The following DGKG variants were observed in gnomAD, a reference collection of about 807,000 sequenced individuals.
DGKG encodes the protein DAG kinase gamma.
In DGKG, 78 loss-of-function variants were observed where a neutral mutation model predicts 105.3. The ratio of observed to expected loss-of-function variants is 0.74; its 90% CI spans 0.62 to 0.89. DGKG has a LOEUF of 0.89. Among genes scored for constraint, DGKG ranks in the 40% least tolerant of loss-of-function variants. The pLI is 0.00. For synonymous variants in DGKG, 346 were observed against 367.1 expected, an observed-to-expected ratio of 0.94 and a Z score of 0.66; for missense variants, 958 against 1,020.1, an observed-to-expected ratio of 0.94 and a Z score of 0.83.
chr3:186,262,111 TAGAA>T (rs1006489795), intron 14 of DGKG, among the ~76,000 whole-genome samples: 1 of 152,150 alleles, frequency 6.6e-6, no homozygotes, highest in African/African-American at 2.4e-5. Flanking sequence ...AATATGATCT[TAGAA>T]AGCACGGCCG....
intron 21 of DGKG, among the ~76,000 whole-genome samples, chr3:186,188,650 G>A (rs1157068736): frequency 1.3e-5 from 2 of 152,110 alleles, no homozygotes; most frequent in Non-Finnish European, 2.9e-5. Context: ...GTCTAGAAGT[G>A]CTTTAGGGCT....
intron 1 of DGKG, among the ~76,000 whole-genome samples, chr3:186,345,765 T>C (rs1003456322): frequency 6.6e-6 from 1 of 152,158 alleles, no homozygotes; most frequent in Non-Finnish European, 1.5e-5. Context: ...CTTTTGCATA[T>C]AGTTTTGTTT....
At chr3:186,194,660 G>T (rs1718085593) in intron 21 of DGKG, among the ~76,000 whole-genome samples, 1 of 152,076 alleles carries the variant, frequency 6.6e-6, no homozygotes, top group Non-Finnish European at 1.5e-5. Flanking sequence ...ACCTCCACCA[G>T]GCCAGATCGG....
At chr3:186,252,154 C>G (rs921299530) in intron 18 of DGKG, among the ~76,000 whole-genome samples, 5 of 152,164 alleles carry the variant, frequency 3.3e-5, no homozygotes, top group African/African-American at 1.2e-4. Flanking sequence ...GGTCACAGGC[C>G]TGTGTAGCTG....
At chr3:186,328,056 G>A (rs1725432969) in intron 1 of DGKG, among the ~76,000 whole-genome samples, 1 of 152,140 alleles carries the variant, frequency 6.6e-6, no homozygotes, top group South Asian at 2.1e-4. Flanking sequence ...GTGCCTGGAT[G>A]TGGGAGGACC....
chr3:186,229,346 T>TTC (rs1243212623), intron 20 of DGKG, among the ~76,000 whole-genome samples: 18 of 152,050 alleles, frequency 1.2e-4, no homozygotes, highest in Middle Eastern at 3.4e-3. Context: ...GTTCAAGTGA[T>TTC]TCGCATGCCT....
At chr3:186,249,130 G>A (rs1339539442) in intron 19 of DGKG, among the ~76,000 whole-genome samples, 1 of 152,136 alleles carries the variant, frequency 6.6e-6, no homozygotes, top group African/African-American at 2.4e-5. Flanking sequence ...CTTTGAGCAC[G>A]AAGAGGAGGG....
At chr3:186,317,980 T>C (rs1305993562) in intron 2 of DGKG, among the ~76,000 whole-genome samples, 1 of 152,176 alleles carries the variant, frequency 6.6e-6, no homozygotes, top group Non-Finnish European at 1.5e-5. Flanking sequence ...GCAAGGTATC[T>C]TTGATGGCTT....
In DGKG at chr3:186,231,643, G is replaced by T. The variant is rs1013998582; in HGVS notation, c.1826+10861C>A. The stretch of plus-strand genomic sequence containing the variant: ...TGCTTTAAAAACTATACTAGGCCAG[G>T]TGTGGTCACTCACGCCTGTAATCCC... On this transcript the variant is annotated intron_variant, in intron 20 of 24. Transcript: ENST00000265022. The surrounding 1 kb of genome is among the most constrained non-coding windows in gnomAD (Gnocchi z 4.5). 7.9e-5 allele frequency among the ~76,000 whole-genome samples: 12 copies of T among 152,172 alleles called. No homozygotes were observed. Among genetic ancestry groups the T allele is most frequent in the African/African-American group, 2.4e-4 (10 of 41,440 alleles).
intron 1 of DGKG, among the ~76,000 whole-genome samples, chr3:186,352,841 CT>C (rs1726699588): frequency 6.6e-6 from 1 of 152,138 alleles, no homozygotes; most frequent in Non-Finnish European, 1.5e-5. Flanking sequence ...AGGGGTTGCT[CT>C]AATGTTAAAA....
chr3:186,298,737 C>A (rs931709695), intron 3 of DGKG, among the ~76,000 whole-genome samples: 2 of 152,120 alleles, frequency 1.3e-5, no homozygotes, highest in African/African-American at 4.8e-5. Context: ...CCTCTTGTAC[C>A]ATGACGGATG....
intron 22 of DGKG, among the ~76,000 whole-genome samples, chr3:186,171,912 A>G (rs1223293706): frequency 6.6e-6 from 1 of 151,656 alleles, no homozygotes; most frequent in Non-Finnish European, 1.5e-5. Context: ...CTGGAGTGCA[A>G]TCGCATGATC....
chr3:186,296,825 T>C (rs1316466694), intron 5 of DGKG, among the ~76,000 whole-genome samples: 1 of 152,230 alleles, frequency 6.6e-6, no homozygotes, highest in Non-Finnish European at 1.5e-5. Flanking sequence ...GAAGCTTAGA[T>C]GAAATGTGTA....
At chr3:186,266,086 C>G (rs1255746383) in intron 13 of DGKG, among the ~76,000 whole-genome samples, 1 of 152,090 alleles carries the variant, frequency 6.6e-6, no homozygotes, top group East Asian at 1.9e-4. Flanking sequence ...TAGTAAAATG[C>G]TCAAATCTAA....
At chr3:186,359,269 A>G (rs1445628674) in intron 1 of DGKG, among the ~76,000 whole-genome samples, 3 of 152,180 alleles carry the variant, frequency 2.0e-5, no homozygotes, top group African/African-American at 7.2e-5. Context: ...TGGCCTGGTG[A>G]TCTATTTCTA....
In DGKG at chr3:186,226,192, T is replaced by C. The variant is rs1167532520; in HGVS notation, c.1827-14307A>G. On this transcript the variant is annotated intron_variant, in intron 20 of 24. Transcript: ENST00000265022. This position sits in a 1 kb window ranked among gnomAD's most constrained non-coding sequence, Gnocchi z 4.2. ...TTGTACAAACCATGATTATTGTGAA[T>C]TTTAAGATTATACCACCAAGGCTTG... Among the ~76,000 whole-genome samples the C allele has an allele frequency of 2.0e-5, 3 of 152,210 alleles. No homozygotes were observed. Among genetic ancestry groups the C allele is most frequent in the African/African-American group, 7.2e-5 (3 of 41,456 alleles).
chr3:186,190,167 A>G (rs1006947686), intron 21 of DGKG, among the ~76,000 whole-genome samples: 6 of 152,230 alleles, frequency 3.9e-5, no homozygotes, highest in Non-Finnish European at 8.8e-5. Context: ...AAGGGCAGGT[A>G]GTCAGAGCCC....
At chr3:186,211,918 T>G (rs542163508) in intron 20 of DGKG, 33 bp from the exon 21 acceptor site, 1 of 1,545,826 alleles carries the variant, frequency 6.5e-7, no homozygotes, top group South Asian at 1.1e-5. Flanking sequence ...GTCTCAATAT[T>G]CCATACTTGA....
intron 20 of DGKG, among the ~76,000 whole-genome samples, chr3:186,213,167 G>A (rs1719116245): frequency 6.6e-6 from 1 of 152,208 alleles, no homozygotes; most frequent in African/African-American, 2.4e-5. Flanking sequence ...AATAAATGAT[G>A]AAGAAAGTAA....
Sources: allele counts gnomAD v4.1 joint callset (sites outside exome capture counted in the v4.1 genomes callset), GRCh38; gene constraint gnomAD v4.1.1; non-coding constraint Gnocchi (gnomAD v3.1); transcripts MANE v1.5; gene names NCBI Gene and HGNC (gene_info 2026-07-23, HGNC 2026-07-21).